Variants in CELF2 observed in about 807,000 individuals in gnomAD.
The protein encoded by CELF2 is CUGBP Elav-like family member 2, also known as CUG triplet repeat RNA-binding protein 2.
In CELF2, 8 loss-of-function variants were observed where a neutral mutation model predicts 62.6. That is an observed-to-expected ratio of 0.13 (90% CI 0.07 to 0.23). The LOEUF (loss-of-function observed/expected upper bound fraction) is 0.23, where lower values mean the gene tolerates loss of function less well. Ranked by LOEUF, CELF2 falls within the 10% of genes least tolerant of loss-of-function variation. The pLI is 1.00. For synonymous variants in CELF2, 258 were observed against 250.0 expected (o/e 1.03, Z -0.30); for missense variants, 333 against 671.0 (o/e 0.50, Z 5.56).
chr10:10,650,390 A>G, the CELF2 span, among the ~76,000 whole-genome samples: 1 of 152,194 alleles, frequency 6.6e-6, no homozygotes, highest in Non-Finnish European at 1.5e-5. Context: ...TTGACTTAAA[A>G]TGTTAAGTTA....
chr10:11,079,014 G>A (rs1316588846), intron 1 of CELF2, among the ~76,000 whole-genome samples: 3 of 152,154 alleles, frequency 2.0e-5, no homozygotes, highest in African/African-American at 7.2e-5. Flanking sequence ...GAGTCTGTGT[G>A]TACAGTTGGG....
At chr10:11,006,698 C>T (rs1387512026) in intron 1 of CELF2, among the ~76,000 whole-genome samples, 7 of 152,186 alleles carry the variant, frequency 4.6e-5, no homozygotes, top group Admixed American at 4.6e-4. Context: ...AATTCAAGGA[C>T]AAGTGAGAAC....
rs116810980 is a variant in CELF2 at position 10,957,969 on chromosome 10, G to A, written c.89+37970G>A. 3.1e-3 allele frequency among the ~76,000 whole-genome samples: 474 copies of A among 152,274 alleles called. 2 individuals carry two copies. The highest frequency in any genetic ancestry group is 0.011 in the African/African-American group (452 of 41,554). ...TTTCAGAGGAGCGCTATGACTTAAGGAATGTATATGAAATCTTCACCAGGT... is the reference window on the plus strand; with the variant it reads ...TTTCAGAGGAGCGCTATGACTTAAGAAATGTATATGAAATCTTCACCAGGT... On this transcript the variant is annotated intron_variant, in intron 2 of 13. Coordinates refer to the CELF2 transcript ENST00000636488. This position sits in a 1 kb window ranked among gnomAD's most constrained non-coding sequence, Gnocchi z 4.1.
intron 1 of CELF2, among the ~76,000 whole-genome samples, chr10:11,020,661 A>C (rs1482068945): frequency 6.6e-6 from 1 of 152,246 alleles, no homozygotes; most frequent in Non-Finnish European, 1.5e-5. Flanking sequence ...ATTTTTCTAA[A>C]GCAGTAGAAT....
chr10:11,220,760 TCTC>T lies in CELF2; in HGVS notation c.354+3257_354+3259del, dbSNP rs1458279013. ...GTCCTTCCCTTGGTTTGATCACACA[TCTC>T]CTCTAGAAGTGGTTGCTGGATGCTC... is the stretch of plus-strand genomic sequence containing the variant. On this transcript the variant is annotated intron_variant, in intron 3 of 12. Transcript: ENST00000633077. This position sits in a 1 kb window ranked among gnomAD's most constrained non-coding sequence, Gnocchi z 4.4. Among the ~76,000 whole-genome samples the T allele has an allele frequency of 1.3e-5, 2 of 152,158 alleles. No individual in the cohort carries two copies. The highest frequency in any genetic ancestry group is 2.9e-5 in the Non-Finnish European group (2 of 68,026).
In CELF2 at chr10:11,005,623, C is replaced by A. The variant is rs1465825573; in HGVS notation, c.53+183C>A. Among the ~76,000 whole-genome samples, 1 of 152,058 alleles carries A rather than the reference C, an allele frequency of 6.6e-6. No homozygotes were observed. Among genetic ancestry groups the A allele is most frequent in the Non-Finnish European group, 1.5e-5 (1 of 68,016 alleles). On this transcript the variant is annotated intron_variant, in intron 1 of 12. Transcript: ENST00000416382. The surrounding 1 kb of genome is among the most constrained non-coding windows in gnomAD (Gnocchi z 4.3). Reference sequence around the variant, plus strand: ...GAGATTGGGAGAAAGAGAGAGCCAGCGAGAGAAAGGCGGAGGACTGCCGTG... The same window carrying A: ...GAGATTGGGAGAAAGAGAGAGCCAGAGAGAGAAAGGCGGAGGACTGCCGTG...
the CELF2 span, chr10:10,788,914 C>T: frequency 2.0e-5 from 3 of 152,156 alleles, no homozygotes; most frequent in Admixed American, 1.3e-4. Flanking sequence ...CGGAGAGCTC[C>T]TCTCTCCTGC....
chr10:11,260,040 G>A lies in CELF2; in HGVS notation c.538+2168G>A, dbSNP rs1392984714. 1.3e-5 allele frequency among the ~76,000 whole-genome samples: 2 copies of A among 152,146 alleles called. No individual in the cohort carries two copies. Among genetic ancestry groups the A allele is most frequent in the Non-Finnish European group, 2.9e-5 (2 of 68,024 alleles). On this transcript the variant is annotated intron_variant, in intron 5 of 12. Transcript: ENST00000633077. This position sits in a 1 kb window ranked among gnomAD's most constrained non-coding sequence, Gnocchi z 4.2. ...ATTACTCATAGCGAAATCTATAATG[G>A]CTTAGGGGCCAGTGACCCCAAGTTC...
At chr10:10,591,140 A>G in the CELF2 span, among the ~76,000 whole-genome samples, 1 of 152,228 alleles carries the variant, frequency 6.6e-6, no homozygotes, top group East Asian at 1.9e-4. Flanking sequence ...ATGTTAAGAC[A>G]TAAAAGAGCT....
At position 11,333,381 on chromosome 10, in the gene CELF2, G is replaced by T. The variant is rs575763038; in HGVS notation, c.*4328G>T. ...GGGAAACCGCTTTTTTTAATCAATT[G>T]TAGAGAATAGTCATTTTTAATCTAA... On this transcript the variant is annotated 3_prime_UTR_variant, in exon 13 of 13. Coordinates refer to ENST00000633077, the MANE Select transcript of CELF2 (RefSeq NM_001326342.2). 3.9e-5 allele frequency: 6 copies of T among 152,548 alleles called. No individual in the cohort carries two copies. The highest frequency in any genetic ancestry group is 1.4e-4 in the African/African-American group (6 of 41,404). The allele number at this position is 152,548 out of a possible 1,614,324, so 9.4% of individuals were successfully genotyped here.
At chr10:10,712,147 C>CAA in the CELF2 span, among the ~76,000 whole-genome samples, 10,269 of 43,348 alleles carry the variant, frequency 0.24, 1,983 homozygotes, top group South Asian at 0.39. Flanking sequence ...AGGATAGAGA[C>CAA]AAAAAAAAAA....
chr10:11,068,186 G>A (rs10905894), intron 1 of CELF2, among the ~76,000 whole-genome samples: 30,762 of 152,156 alleles, frequency 0.2, 3,207 homozygotes, highest in Middle Eastern at 0.28. Flanking sequence ...CAGTCTCTAC[G>A]CTTATTTAAA....
intron 2 of CELF2, among the ~76,000 whole-genome samples, chr10:11,188,546 G>C (rs2075573100): frequency 6.6e-6 from 1 of 151,368 alleles, no homozygotes; most frequent in South Asian, 2.1e-4. Context: ...TTTTTCCTCA[G>C]TCTGCTTTTA....
intron 1 of CELF2, among the ~76,000 whole-genome samples, chr10:10,839,815 T>C (rs2058558519): frequency 6.6e-6 from 1 of 152,262 alleles, no homozygotes; most frequent in Admixed American, 6.5e-5. Flanking sequence ...TCCACCATTA[T>C]ATTATCATAG....
Position 11,261,915 on chromosome 10 carries a change from T to C in CELF2, c.538+4043T>C, listed in dbSNP as rs139354407. On this transcript the variant is annotated intron_variant, in intron 5 of 12. Coordinates refer to ENST00000633077, the MANE Select transcript of CELF2 (RefSeq NM_001326342.2). ...GACAGCATCACCCTAGCATGTTGAT[T>C]TCCTAAAATACACACACTCTCACTT... Among the ~76,000 whole-genome samples, 924 of 152,316 alleles carry C rather than the reference T, an allele frequency of 6.1e-3. 8 individuals carry two copies. The highest frequency in any genetic ancestry group is 0.021 in the African/African-American group (876 of 41,566).
At chr10:10,994,862 C>G (rs1033626204) in intron 2 of CELF2, among the ~76,000 whole-genome samples, 25 of 152,216 alleles carry the variant, frequency 1.6e-4, no homozygotes, top group African/African-American at 5.8e-4. Context: ...TTCAGGCTTT[C>G]TTTTACTGTC....
rs140326183 is a variant in CELF2, at chr10:11,293,733, T to C, written c.976+5181T>C. ...ATTTTAAAGTAGGGAAGGTGTGTTATTTACTCATAATTCCCCCTTGCATCT... is the reference window on the plus strand; with the variant it reads ...ATTTTAAAGTAGGGAAGGTGTGTTACTTACTCATAATTCCCCCTTGCATCT... On this transcript the variant is annotated intron_variant, in intron 9 of 12. Coordinates refer to ENST00000633077, the MANE Select transcript of CELF2 (RefSeq NM_001326342.2). Among the ~76,000 whole-genome samples, 224 of 152,322 alleles carry C rather than the reference T, an allele frequency of 1.5e-3. 1 individual carries two copies. Among genetic ancestry groups the C allele is most frequent in the African/African-American group, 5.3e-3 (220 of 41,570 alleles).
chr10:10,477,894 A>C, the CELF2 span, among the ~76,000 whole-genome samples: 2 of 152,092 alleles, frequency 1.3e-5, no homozygotes, highest in Non-Finnish European at 2.9e-5. Flanking sequence ...GATGTTCCCC[A>C]AGGAAAATGG....
rs2049025844 is a variant in CELF2, at chr10:10,957,457, G to A, written c.89+37458G>A. 6.6e-6 allele frequency among the ~76,000 whole-genome samples: 1 copy of A among 152,162 alleles called. No individual in the cohort carries two copies. The highest frequency in any genetic ancestry group is 2.1e-4 in the South Asian group (1 of 4,832). On this transcript the variant is annotated intron_variant, in intron 2 of 13. Coordinates refer to the CELF2 transcript ENST00000636488. The surrounding 1 kb of genome is among the most constrained non-coding windows in gnomAD (Gnocchi z 4.1). ...TGTGAGGCAATGTGAGCTAAGGCCA[G>A]AAGAAACCCTACTGGAATTAACCAG...
Sources: allele counts gnomAD v4.1 joint callset (sites outside exome capture counted in the v4.1 genomes callset), GRCh38; gene constraint gnomAD v4.1.1; non-coding constraint Gnocchi (gnomAD v3.1); transcripts MANE v1.5; gene names NCBI Gene and HGNC (gene_info 2026-07-23, HGNC 2026-07-21).